OPHN1: variants seen among roughly 807,000 people sequenced by gnomAD.
OPHN1 encodes the protein oligophrenin-1.
OPHN1 carries 11 observed loss-of-function variants against 60.7 expected under a neutral mutation model. The ratio of observed to expected loss-of-function variants is 0.18; its 90% CI spans 0.11 to 0.30. The LOEUF is 0.30. OPHN1 is among the 10% of genes least tolerant of loss of function. The pLI is 1.00. For missense variants in OPHN1, 449 were observed against 611.0 expected (o/e 0.73, Z 2.80); for synonymous variants, 226 against 222.6 (o/e 1.02, Z -0.14).
At chrX:68,420,782 G>T (rs1446881019) in intron 2 of OPHN1, among the ~76,000 whole-genome samples, 1 of 107,786 alleles carries the variant, frequency 9.3e-6, no homozygotes, top group East Asian at 2.9e-4. Context: ...TGCATTCTTG[G>T]CAAGATGCAT....
intron 3 of OPHN1, among the ~76,000 whole-genome samples, chrX:68,289,801 C>T (rs866096758): frequency 8.9e-6 from 1 of 112,663 alleles, no homozygotes. Context: ...ATTGAAAACA[C>T]ATAAAATGTC....
intron 2 of OPHN1, among the ~76,000 whole-genome samples, chrX:68,366,969 G>C (rs906497047): frequency 1.8e-5 from 2 of 111,533 alleles, no homozygotes; most frequent in African/African-American, 3.3e-5. Flanking sequence ...GCTACTGTAA[G>C]TTAGGGAGTG....
intron 2 of OPHN1, among the ~76,000 whole-genome samples, chrX:68,397,053 C>T (rs771358395): frequency 9.0e-6 from 1 of 111,475 alleles, no homozygotes; most frequent in South Asian, 3.8e-4. Context: ...TTGCAAGCTG[C>T]TCTTGCCTTG....
At chrX:68,270,562 G>T (rs1396488693) in intron 5 of OPHN1, among the ~76,000 whole-genome samples, 6 of 90,509 alleles carry the variant, frequency 6.6e-5, no homozygotes, top group Non-Finnish European at 8.6e-5. Context: ...ACACAGGAAG[G>T]GGAACATCAC....
chrX:68,239,235 C>G (rs371083520), intron 5 of OPHN1, among the ~76,000 whole-genome samples: 7 of 7,153 alleles, frequency 9.8e-4, no homozygotes, highest in Admixed American at 2.8e-3. Flanking sequence ...CCGGTGTCCT[C>G]CTGGTGTCTG....
chrX:68,073,724 C>G (rs965129483), intron 19 of OPHN1, among the ~76,000 whole-genome samples: 1 of 111,330 alleles, frequency 9.0e-6, no homozygotes, highest in Admixed American at 9.5e-5. Flanking sequence ...GGGGGTAGGA[C>G]ATGGAAGGAG....
upstream of OPHN1, chrX:68,433,757 G>A (rs1453190093): frequency 1.0e-5 from 3 of 296,206 alleles, no homozygotes; most frequent in African/African-American, 2.7e-5. Context: ...ACGTAGCCTC[G>A]CTCCATAGAC....
intron 19 of OPHN1, among the ~76,000 whole-genome samples, chrX:68,091,796 T>C (rs1348035384): frequency 9.0e-6 from 1 of 111,010 alleles, no homozygotes; most frequent in East Asian, 2.8e-4. Flanking sequence ...TCAGTCCAAA[T>C]TACCTCTATG....
At chrX:68,068,915 G>T (rs750594571) in intron 20 of OPHN1, among the ~76,000 whole-genome samples, 2 of 111,930 alleles carry the variant, frequency 1.8e-5, no homozygotes, top group South Asian at 7.5e-4. Context: ...ATCAGTAACT[G>T]TCAGAGGTTG....
At chrX:68,110,628 A>C (rs1051858855) in intron 18 of OPHN1, among the ~76,000 whole-genome samples, 6 of 112,288 alleles carry the variant, frequency 5.3e-5, no homozygotes, top group African/African-American at 9.7e-5. Context: ...GGGCAACTTT[A>C]AATTAACATG....
chrX:68,264,636 T>G (rs1178510742), intron 5 of OPHN1, among the ~76,000 whole-genome samples: 1 of 111,860 alleles, frequency 8.9e-6, no homozygotes, highest in East Asian at 2.8e-4. Context: ...CATTTCCAAC[T>G]GAGGTACTGG....
At chrX:68,299,844 A>G (rs1378529447) in intron 2 of OPHN1, among the ~76,000 whole-genome samples, 4 of 110,833 alleles carry the variant, frequency 3.6e-5, no homozygotes, top group African/African-American at 1.3e-4. Context: ...AGTTATCTTT[A>G]TTGAGATTTT....
chrX:68,076,139 A>G (rs2076952779), intron 19 of OPHN1, among the ~76,000 whole-genome samples: 1 of 111,108 alleles, frequency 9.0e-6, no homozygotes, highest in Admixed American at 9.7e-5. Flanking sequence ...AAAACAAGTA[A>G]ATCAGTTTTT....
chrX:68,073,446 T>A, intron 19 of OPHN1, 147 bp from the exon 20 acceptor site: 1 of 496,693 alleles, frequency 2.0e-6, no homozygotes, highest in Non-Finnish European at 3.3e-6. Flanking sequence ...GAGATTTTCT[T>A]AATCACTCTA....
intron 2 of OPHN1, among the ~76,000 whole-genome samples, chrX:68,413,692 G>C (rs1407312846): frequency 9.0e-6 from 1 of 111,387 alleles, no homozygotes; most frequent in Non-Finnish European, 1.9e-5. Flanking sequence ...GATCACTTGA[G>C]CCCAGGAGTT....
chrX:68,142,876 G>T lies in OPHN1; in HGVS notation c.1277-23544C>A, dbSNP rs973243059. On this transcript the variant is annotated intron_variant, in intron 15 of 24. Coordinates refer to ENST00000355520, the MANE Select transcript of OPHN1 (RefSeq NM_002547.3). Reference sequence around the variant, plus strand: ...GCTTAAAAAACTTGGATGAGAGTTAGGTACTACTACTGGTATATATTCTCC... The same window carrying T: ...GCTTAAAAAACTTGGATGAGAGTTATGTACTACTACTGGTATATATTCTCC... Among the ~76,000 whole-genome samples, 5 of 111,934 alleles carry T rather than the reference G, an allele frequency of 4.5e-5. No individual in the cohort carries two copies. The East Asian group carries it at 8.5e-4, about 19-fold the overall frequency.
intron 9 of OPHN1, among the ~76,000 whole-genome samples, chrX:68,207,427 G>A (rs1408162976): frequency 9.1e-6 from 1 of 110,226 alleles, no homozygotes; most frequent in Admixed American, 9.7e-5. Flanking sequence ...CACAGCGCTG[G>A]GCCCAGTGTC....
chrX:68,342,430 A>G (rs769847037), intron 2 of OPHN1, among the ~76,000 whole-genome samples: 8 of 112,027 alleles, frequency 7.1e-5, no homozygotes, highest in Non-Finnish European at 1.5e-4. Context: ...TATACAGATA[A>G]AACAAAAGTG....
chrX:68,187,293 C>T (rs1441057991), intron 15 of OPHN1, among the ~76,000 whole-genome samples: 2 of 111,272 alleles, frequency 1.8e-5, no homozygotes, highest in East Asian at 2.8e-4. Context: ...TTTAAGGTCA[C>T]TAATCAGATG....
Sources: gnomAD v4.1 joint callset for allele counts (sites outside exome capture counted in the v4.1 genomes callset) on GRCh38, gnomAD v4.1.1 for gene constraint, MANE v1.5 for transcripts, NCBI Gene and HGNC (gene_info 2026-07-23, HGNC 2026-07-21) for gene names.